KIF26B: variants seen among roughly 807,000 people sequenced by gnomAD.
KIF26B encodes the protein kinesin-like protein KIF26B.
KIF26B carries 63 observed loss-of-function variants against 151.2 expected under a neutral mutation model. That is an observed-to-expected ratio of 0.42 (90% CI 0.34 to 0.51). The LOEUF is 0.51. Ranked by LOEUF, KIF26B falls within the 20% of genes least tolerant of loss-of-function variation. KIF26B has a pLI of 0.07. For synonymous variants in KIF26B, 1,357 were observed against 1,262.1 expected, an observed-to-expected ratio of 1.08 and a Z score of -1.59; for missense variants, 2,813 against 2,913.6, an observed-to-expected ratio of 0.97 and a Z score of 0.79.
intron 5 of KIF26B, among the ~76,000 whole-genome samples, chr1:245,574,697 C>T (rs1043591487): frequency 3.9e-5 from 6 of 152,124 alleles, no homozygotes; most frequent in African/African-American, 1.4e-4. Flanking sequence ...CAAGGCACTG[C>T]CTAACGTTGT....
At chr1:245,294,531 T>C (rs1472912044) in intron 2 of KIF26B, among the ~76,000 whole-genome samples, 1 of 152,200 alleles carries the variant, frequency 6.6e-6, no homozygotes, top group Non-Finnish European at 1.5e-5. Flanking sequence ...CTCAACCAGG[T>C]ATGTAGCAGG....
At chr1:245,226,208 C>T (rs2103551862) in intron 2 of KIF26B, 1 of 152,368 alleles carries the variant, frequency 6.6e-6, no homozygotes, top group Admixed American at 6.5e-5. Context: ...CCACCAGTGA[C>T]AGCACTTCCA....
At chr1:245,316,202 A>T (rs189356378) in intron 2 of KIF26B, among the ~76,000 whole-genome samples, 2 of 150,996 alleles carry the variant, frequency 1.3e-5, no homozygotes, top group Admixed American at 1.3e-4. Context: ...AGTGGTGTGA[A>T]CCTCCGCCTC....
rs747988343 is a variant in KIF26B, at chr1:245,686,499, G to A, written c.3516G>A (p.Thr1172=). The change falls in exon 12 of 15, where the codon ACG becomes ACA. Residue 1172 remains threonine (T), a synonymous_variant. Transcript: ENST00000407071. The surrounding 1 kb of genome is among the most constrained non-coding windows in gnomAD (Gnocchi z 5.6). Reference sequence around the variant, plus strand: ...CCAAGAAGGAGATCCTGAGCACCACGATGGTGACGGTGCAGCAGCCACTGG... The same window carrying A: ...CCAAGAAGGAGATCCTGAGCACCACAATGGTGACGGTGCAGCAGCCACTGG... The part of the protein sequence containing the change: ...SESKKEILST[T]MVTVQQPLEL... The A allele has an allele frequency of 6.2e-6, 10 of 1,612,906 alleles. No homozygotes were observed. Among genetic ancestry groups the A allele is most frequent in the African/African-American group, 2.7e-5 (2 of 74,946 alleles).
At chr1:245,396,227 CT>C (rs1263122190) in intron 3 of KIF26B, among the ~76,000 whole-genome samples, 2 of 152,164 alleles carry the variant, frequency 1.3e-5, no homozygotes, top group African/African-American at 4.8e-5. Flanking sequence ...GTTAGACAGA[CT>C]TCTCTCCGGT....
intron 2 of KIF26B, among the ~76,000 whole-genome samples, chr1:245,253,078 C>T (rs895448155): frequency 8.2e-5 from 12 of 145,950 alleles, no homozygotes; most frequent in Admixed American, 4.2e-4. Context: ...GACATGATCT[C>T]GGCTCACTGC....
intron 4 of KIF26B, among the ~76,000 whole-genome samples, chr1:245,520,615 T>G (rs35832616): frequency 1.9e-4 from 8 of 41,530 alleles, no homozygotes; most frequent in Non-Finnish European, 4.3e-4. Flanking sequence ...CACCCACCCA[T>G]CCATCCATCC....
At position 245,686,782 on chromosome 1, in the gene KIF26B, A is replaced by G; in HGVS notation, c.3799A>G (p.Lys1267Glu). Reference protein sequence around the residue: ...LPLPKMSLDEKAQDAGSRRSS... With the variant: ...LPLPKMSLDEEAQDAGSRRSS... The stretch of plus-strand genomic sequence containing the variant: ...CCTCCCGAAGATGAGCCTGGATGAG[A>G]AGGCCCAGGACGCAGGGAGCAGACG... Residue 1267 changes from lysine to glutamate, a missense_variant, in exon 12 of 15, where the codon AAG becomes GAG. Physicochemically the swap from Lys to Glu is moderately conservative, Grantham distance 56. Transcript: ENST00000407071. The surrounding 1 kb of genome is among the most constrained non-coding windows in gnomAD (Gnocchi z 5.6). 1.9e-6 allele frequency: 3 copies of G among 1,613,242 alleles called. No individual in the cohort carries two copies. Among genetic ancestry groups the G allele is most frequent in the Non-Finnish European group, 2.5e-6 (3 of 1,179,756 alleles).
intron 4 of KIF26B, among the ~76,000 whole-genome samples, chr1:245,429,119 G>A (rs917895954): frequency 6.6e-6 from 1 of 152,066 alleles, no homozygotes; most frequent in African/African-American, 2.4e-5. Context: ...CTAAGCTTCC[G>A]TTGCTTCTGT....
At chr1:245,584,111 C>G (rs186640344) in intron 5 of KIF26B, among the ~76,000 whole-genome samples, 1 of 152,304 alleles carries the variant, frequency 6.6e-6, no homozygotes, top group Non-Finnish European at 1.5e-5. Flanking sequence ...TCCCTCGTGA[C>G]TCGGTGCCAT....
At chr1:245,640,160 T>TATATATATATATATATATACACAC (rs796722836) in intron 9 of KIF26B, among the ~76,000 whole-genome samples, 1 of 54,846 alleles carries the variant, frequency 1.8e-5, no homozygotes, top group African/African-American at 7.3e-5. Context: ...TATATATATA[T>TATATATATATATATATATACACAC]ACCCTGCTAT....
At chr1:245,517,505 G>A (rs1282831932) in intron 4 of KIF26B, among the ~76,000 whole-genome samples, 2 of 152,168 alleles carry the variant, frequency 1.3e-5, no homozygotes, top group African/African-American at 4.8e-5. Context: ...AGTTTAATAT[G>A]AAAATAGAGA....
At chr1:245,646,538 A>C (rs1293637983) in intron 10 of KIF26B, among the ~76,000 whole-genome samples, 1 of 152,182 alleles carries the variant, frequency 6.6e-6, no homozygotes, top group Non-Finnish European at 1.5e-5. Flanking sequence ...ATCTCAGTTG[A>C]GGTCTCCACT....
intron 2 of KIF26B, among the ~76,000 whole-genome samples, chr1:245,195,819 G>T (rs918943387): frequency 6.6e-6 from 1 of 152,246 alleles, no homozygotes; most frequent in African/African-American, 2.4e-5. Flanking sequence ...GAGGATAGGG[G>T]TAATAGGATT....
intron 4 of KIF26B, among the ~76,000 whole-genome samples, chr1:245,470,461 C>T (rs1233978940): frequency 6.8e-6 from 1 of 146,056 alleles, no homozygotes; most frequent in South Asian, 2.2e-4. Flanking sequence ...GATGGAGTCT[C>T]ACTCTGTCGC....
intron 2 of KIF26B, among the ~76,000 whole-genome samples, chr1:245,184,643 T>TGGAG (rs1349296774): frequency 1.3e-5 from 2 of 152,244 alleles, no homozygotes; most frequent in African/African-American, 4.8e-5. Context: ...AAATTAAATA[T>TGGAG]GGAGTGTTAC....
Position 245,686,226 on chromosome 1 carries a change from A to T in KIF26B, c.3243A>T (p.Pro1081=). Residue 1081 remains proline (P), a synonymous_variant, in exon 12 of 15, where the codon CCA becomes CCT. Transcript: ENST00000407071. The surrounding 1 kb of genome is among the most constrained non-coding windows in gnomAD (Gnocchi z 5.6). ...ASLSKTSEYK[P]PSSPSQRCKV... ...TGTCCAAGACCTCGGAGTACAAGCC[A>T]CCCAGCTCTCCTTCCCAGAGATGCA... is the stretch of plus-strand genomic sequence containing the variant. 6.2e-7 allele frequency: 1 copy of T among 1,612,662 alleles called. No homozygotes were observed. Among genetic ancestry groups the T allele is most frequent in the South Asian group, 1.1e-5 (1 of 91,076 alleles).
chr1:245,261,528 T>C (rs1573739456), intron 2 of KIF26B, among the ~76,000 whole-genome samples: 5 of 121,422 alleles, frequency 4.1e-5, no homozygotes, highest in East Asian at 3.0e-4. Context: ...TCCCTCTCTC[T>C]CCCTCTCTCC....
At chr1:245,497,413 T>C (rs1660535689) in intron 4 of KIF26B, among the ~76,000 whole-genome samples, 1 of 152,090 alleles carries the variant, frequency 6.6e-6, no homozygotes, top group South Asian at 2.1e-4. Context: ...TCTTGACAAA[T>C]TTCAAAGGAC....
Sources: allele counts gnomAD v4.1 joint callset (sites outside exome capture counted in the v4.1 genomes callset), GRCh38; gene constraint gnomAD v4.1.1; non-coding constraint Gnocchi (gnomAD v3.1); transcripts MANE v1.5; gene names NCBI Gene and HGNC (gene_info 2026-07-23, HGNC 2026-07-21).